The following ST6GALNAC3 variants were observed in gnomAD, a reference collection of about 807,000 sequenced individuals.
ST6GALNAC3 encodes the protein ST6 N-acetylgalactosaminide alpha-2,6-sialyltransferase 3.
A neutral mutation model predicts 32.7 loss-of-function variants in ST6GALNAC3; 25 were observed. That is an observed-to-expected ratio of 0.76 (90% CI 0.56 to 1.07). The LOEUF is 1.07. Ranked by LOEUF, ST6GALNAC3 falls within the 50% of genes least tolerant of loss-of-function variation. The pLI, the probability that ST6GALNAC3 is intolerant of heterozygous loss-of-function variation, is 0.00. For missense variants in ST6GALNAC3, 355 were observed against 382.4 expected (o/e 0.93, Z 0.60); for synonymous variants, 129 against 133.1 (o/e 0.97, Z 0.21).
intron 3 of ST6GALNAC3, among the ~76,000 whole-genome samples, chr1:76,599,003 TA>T (rs1324995975): frequency 6.6e-6 from 1 of 152,204 alleles, no homozygotes; most frequent in Non-Finnish European, 1.5e-5. Context: ...TTTTCAAAAG[TA>T]ATCTACTTTA....
At chr1:76,252,200 G>A (rs1324696183) in intron 1 of ST6GALNAC3, among the ~76,000 whole-genome samples, 1 of 152,150 alleles carries the variant, frequency 6.6e-6, no homozygotes, top group Non-Finnish European at 1.5e-5. Flanking sequence ...GTTTGGATGG[G>A]TGGCTGTATT....
chr1:76,480,984 T>G (rs917344302), intron 3 of ST6GALNAC3, among the ~76,000 whole-genome samples: 2 of 152,222 alleles, frequency 1.3e-5, no homozygotes, highest in Admixed American at 1.3e-4. Context: ...GGGACAGAGT[T>G]GTAATTCAGG....
intron 2 of ST6GALNAC3, among the ~76,000 whole-genome samples, chr1:76,399,121 TC>T (rs1653211789): frequency 6.6e-6 from 1 of 152,156 alleles, no homozygotes; most frequent in African/African-American, 2.4e-5. Flanking sequence ...TATTAACCCT[TC>T]CTATGATTGT....
chr1:76,602,483 C>T (rs1272572423), intron 3 of ST6GALNAC3, among the ~76,000 whole-genome samples: 1 of 152,012 alleles, frequency 6.6e-6, no homozygotes, highest in Non-Finnish European at 1.5e-5. Flanking sequence ...AGCTTGAGAA[C>T]TCCCAAACCG....
rs191322535 is a variant in ST6GALNAC3 at position 76,112,903 on chromosome 1, A to G, written c.18+38019A>G. Among the ~76,000 whole-genome samples the G allele has an allele frequency of 1.5e-3, 226 of 146,946 alleles. 2 individuals carry two copies. Among genetic ancestry groups the G allele is most frequent in the African/African-American group, 5.6e-3 (219 of 39,298 alleles). On this transcript the variant is annotated intron_variant, in intron 1 of 4. Transcript: ENST00000328299. ...CTCACATCCCAGACGATGGGCGGCC[A>G]GGCAGAGATGCTCCTCACTTCCCAG... is the stretch of plus-strand genomic sequence containing the variant.
intron 3 of ST6GALNAC3, among the ~76,000 whole-genome samples, chr1:76,525,545 T>C (rs999145696): frequency 1.3e-5 from 2 of 151,632 alleles, no homozygotes; most frequent in Non-Finnish European, 2.9e-5. Flanking sequence ...GATGCCCAGT[T>C]GTTTTGGCAG....
chr1:76,237,054 G>C (rs1273069992), intron 1 of ST6GALNAC3, among the ~76,000 whole-genome samples: 1 of 152,138 alleles, frequency 6.6e-6, no homozygotes, highest in Admixed American at 6.5e-5. Flanking sequence ...GATAGGCCAC[G>C]GGGCCAGGCA....
intron 1 of ST6GALNAC3, among the ~76,000 whole-genome samples, chr1:76,162,161 C>A (rs868028212): frequency 6.6e-6 from 1 of 152,194 alleles, no homozygotes; most frequent in Admixed American, 6.5e-5. Flanking sequence ...TGTTACTTAA[C>A]CTCTGTATTT....
chr1:76,582,198 G>A lies in ST6GALNAC3; in HGVS notation c.624-45254G>A, dbSNP rs141960974. On this transcript the variant is annotated intron_variant, in intron 3 of 4. Coordinates refer to ENST00000328299, the MANE Select transcript of ST6GALNAC3 (RefSeq NM_152996.4). ...TGAATGATGGTGCCGTAGACAATTAGGATATTAGATTTTAGTAGAACTTAA... is the reference window on the plus strand; with the variant it reads ...TGAATGATGGTGCCGTAGACAATTAAGATATTAGATTTTAGTAGAACTTAA... Among the ~76,000 whole-genome samples, 15 of 152,228 alleles carry A rather than the reference G, an allele frequency of 9.9e-5. No individual in the cohort carries two copies. In the East Asian group the frequency reaches 2.1e-3, roughly 22 times the overall value.
At chr1:76,609,442 T>A (rs1251280072) in intron 3 of ST6GALNAC3, among the ~76,000 whole-genome samples, 2 of 152,210 alleles carry the variant, frequency 1.3e-5, no homozygotes, top group Admixed American at 1.3e-4. Context: ...ATTTAAACAT[T>A]CTTATTTGGA....
At chr1:76,229,249 A>G (rs1356226300) in intron 1 of ST6GALNAC3, among the ~76,000 whole-genome samples, 1 of 152,204 alleles carries the variant, frequency 6.6e-6, no homozygotes, top group African/African-American at 2.4e-5. Flanking sequence ...CAATAACTTC[A>G]ACAATTGACC....
chr1:76,090,468 A>G (rs1647029176), intron 1 of ST6GALNAC3, among the ~76,000 whole-genome samples: 1 of 152,160 alleles, frequency 6.6e-6, no homozygotes, highest in Non-Finnish European at 1.5e-5. Flanking sequence ...CCCTGCCACA[A>G]GTTCCTCTTC....
At chr1:76,164,942 T>C (rs559626450) in intron 1 of ST6GALNAC3, among the ~76,000 whole-genome samples, 34 of 152,342 alleles carry the variant, frequency 2.2e-4, no homozygotes, top group African/African-American at 8.2e-4. Flanking sequence ...TGTGTGTGTG[T>C]GTTTTTAAGA....
At chr1:76,211,575 G>A (rs1300535186) in intron 1 of ST6GALNAC3, among the ~76,000 whole-genome samples, 5 of 150,834 alleles carry the variant, frequency 3.3e-5, no homozygotes, top group Non-Finnish European at 7.4e-5. Context: ...AGAAACTGTG[G>A]CACATATACA....
At chr1:76,137,324 T>C (rs1162334203) in intron 1 of ST6GALNAC3, among the ~76,000 whole-genome samples, 1 of 152,238 alleles carries the variant, frequency 6.6e-6, no homozygotes, top group Non-Finnish European at 1.5e-5. Context: ...GGATGTGATG[T>C]TGGGGAATTT....
chr1:76,557,745 C>A (rs941725878), intron 3 of ST6GALNAC3, among the ~76,000 whole-genome samples: 7 of 152,066 alleles, frequency 4.6e-5, no homozygotes, highest in African/African-American at 1.7e-4. Context: ...GGAAACTAAC[C>A]CTTCCACTCC....
At chr1:76,288,926 G>T (rs1039653700) in intron 1 of ST6GALNAC3, among the ~76,000 whole-genome samples, 1 of 152,194 alleles carries the variant, frequency 6.6e-6, no homozygotes, top group Non-Finnish European at 1.5e-5. Flanking sequence ...ATATGAAAGT[G>T]TGGGGCTCAA....
At chr1:76,343,367 T>C (rs1053439218) in intron 2 of ST6GALNAC3, among the ~76,000 whole-genome samples, 16 of 152,182 alleles carry the variant, frequency 1.1e-4, no homozygotes. Context: ...CCTGAACTTT[T>C]ATGTCAGTTC....
At chr1:76,549,215 T>G (rs980435829) in intron 3 of ST6GALNAC3, among the ~76,000 whole-genome samples, 4 of 152,178 alleles carry the variant, frequency 2.6e-5, no homozygotes, top group Admixed American at 1.3e-4. Flanking sequence ...CCTTGAGGTC[T>G]GTTGATACTG....
Sources: allele counts gnomAD v4.1 joint callset (sites outside exome capture counted in the v4.1 genomes callset), GRCh38; gene constraint gnomAD v4.1.1; transcripts MANE v1.5; gene names NCBI Gene and HGNC (gene_info 2026-07-23, HGNC 2026-07-21).